Variants in PPM1B observed in about 807,000 individuals in gnomAD.
PPM1B encodes the protein protein phosphatase, Mg2+/Mn2+ dependent 1B.
Under a neutral mutation model 43.0 loss-of-function variants are expected in PPM1B, and 22 were observed. That is an observed-to-expected ratio of 0.51 (90% confidence interval 0.37 to 0.73). PPM1B has a LOEUF of 0.73. Among genes scored for constraint, PPM1B ranks in the 30% least tolerant of loss-of-function variants. The probability of loss-of-function intolerance (pLI) is 0.00; values close to 1 mark genes in which losing one functional copy is unlikely to be tolerated. For missense variants in PPM1B, 632 were observed against 584.2 expected (o/e 1.08, Z -0.84); for synonymous variants, 217 against 197.9 (o/e 1.10, Z -0.81).
At chr2:44,237,663 G>A (rs1263851322), downstream of PPM1B, among the ~76,000 whole-genome samples, 1 of 151,952 alleles carries the variant, frequency 6.6e-6, no homozygotes, top group Non-Finnish European at 1.5e-5. Context: ...CTATAATATT[G>A]GCAACAGTGA....
At chr2:44,210,342 C>T (rs1669401633) in intron 3 of PPM1B, among the ~76,000 whole-genome samples, 1 of 151,814 alleles carries the variant, frequency 6.6e-6, no homozygotes, top group Admixed American at 6.6e-5. Context: ...TCAGCCTCTC[C>T]CAAGTAGCTG....
intron 2 of PPM1B, among the ~76,000 whole-genome samples, chr2:44,204,641 G>A (rs559948381): frequency 9.2e-5 from 14 of 151,956 alleles, no homozygotes; most frequent in African/African-American, 3.1e-4. Flanking sequence ...TTAAGATGAC[G>A]AGGTCAGGAG....
chr2:44,222,170 T>C (rs777299555), intron 5 of PPM1B, among the ~76,000 whole-genome samples: 3 of 152,128 alleles, frequency 2.0e-5, no homozygotes, highest in Non-Finnish European at 4.4e-5. Context: ...GTTTGTGTTT[T>C]ATAATTAGAA....
At chr2:44,214,381 T>G (rs1669624341) in intron 3 of PPM1B, among the ~76,000 whole-genome samples, 1 of 152,110 alleles carries the variant, frequency 6.6e-6, no homozygotes, top group Admixed American at 6.5e-5. Context: ...ATAGAGTTTT[T>G]TTTTTTCTTA....
intron 1 of PPM1B, among the ~76,000 whole-genome samples, chr2:44,198,746 C>T (rs930606164): frequency 3.9e-5 from 6 of 152,132 alleles, no homozygotes; most frequent in South Asian, 4.1e-4. Context: ...GGCTTGGTTT[C>T]GGACCAGACC....
downstream of PPM1B, chr2:44,232,533 C>G: frequency 6.9e-7 from 1 of 1,444,576 alleles, no homozygotes; most frequent in Non-Finnish European, 9.1e-7. Context: ...CCACTTGTAG[C>G]ATTGCCTGTA....
At chr2:44,222,064 A>T (rs903764698) in intron 5 of PPM1B, among the ~76,000 whole-genome samples, 2 of 152,102 alleles carry the variant, frequency 1.3e-5, no homozygotes, top group Non-Finnish European at 2.9e-5. Flanking sequence ...TCTTTTGGAA[A>T]ATTTCCAGAA....
chr2:44,171,302 A>T (rs1482861749), intron 1 of PPM1B, among the ~76,000 whole-genome samples: 3 of 152,220 alleles, frequency 2.0e-5, no homozygotes, highest in Admixed American at 1.3e-4. Context: ...ATTCCTTAAG[A>T]TTACATCATC....
chr2:44,169,039 C>A lies in PPM1B; in HGVS notation c.-250C>A. Reference sequence around the variant, plus strand: ...ATGCTCCAGAGAGACGAGGCTGCGGCGGAGGAGGTGGCGGCGGCCGAATCG... The same window carrying A: ...ATGCTCCAGAGAGACGAGGCTGCGGAGGAGGAGGTGGCGGCGGCCGAATCG... On this transcript the variant is annotated 5_prime_UTR_variant, in exon 1 of 6. Transcript: ENST00000282412. 1 of 165,314 alleles carries A rather than the reference C, an allele frequency of 6.0e-6. No homozygotes were observed. The highest frequency in any genetic ancestry group is 1.3e-5 in the Non-Finnish European group (1 of 76,150). 10.2% of individuals were successfully genotyped at this position (165,314 alleles called of 1,614,324 possible). A position where few individuals can be genotyped will look rare whatever the true frequency, so the allele number is the denominator to read the frequency against.
chr2:44,234,601 T>G (rs191968216), downstream of PPM1B: 2 of 984,966 alleles, frequency 2.0e-6, no homozygotes, highest in Non-Finnish European at 2.4e-6. Context: ...AAATAATGTA[T>G]GAGTTAGTAA....
At chr2:44,184,972 C>T (rs1668052502) in intron 1 of PPM1B, among the ~76,000 whole-genome samples, 1 of 148,894 alleles carries the variant, frequency 6.7e-6, no homozygotes, top group Non-Finnish European at 1.5e-5. Flanking sequence ...AGACCGGCCA[C>T]TAGATACTGT....
At chr2:44,193,610 C>G (rs867366894) in intron 1 of PPM1B, among the ~76,000 whole-genome samples, 4 of 140,446 alleles carry the variant, frequency 2.8e-5, no homozygotes, top group Admixed American at 1.5e-4. Flanking sequence ...GACAGAGTCT[C>G]GCTCCATTGC....
chr2:44,195,621 G>C (rs1278344105), intron 1 of PPM1B, among the ~76,000 whole-genome samples: 1 of 152,132 alleles, frequency 6.6e-6, no homozygotes, highest in Non-Finnish European at 1.5e-5. Flanking sequence ...AGGCTGCAGT[G>C]GGCTATGATT....
intron 1 of PPM1B, among the ~76,000 whole-genome samples, chr2:44,179,083 G>T (rs564300786): frequency 1.2e-3 from 181 of 152,256 alleles, no homozygotes; most frequent in African/African-American, 4.0e-3. Context: ...TTCCTGTGCT[G>T]TTCTCATGAT....
At chr2:44,238,491 C>T (rs1394004435), downstream of PPM1B, among the ~76,000 whole-genome samples, 1 of 151,966 alleles carries the variant, frequency 6.6e-6, no homozygotes, top group Non-Finnish European at 1.5e-5. Flanking sequence ...CACCTGAGGT[C>T]AGGAGTTAGA....
chr2:44,205,537 C>T (rs753367364), intron 2 of PPM1B, among the ~76,000 whole-genome samples: 8 of 152,102 alleles, frequency 5.3e-5, no homozygotes, highest in Non-Finnish European at 1.2e-4. Flanking sequence ...TAGGGAACCA[C>T]TGCTCATGGT....
At chr2:44,186,973 T>G (rs564701990) in intron 1 of PPM1B, among the ~76,000 whole-genome samples, 119 of 152,320 alleles carry the variant, frequency 7.8e-4, no homozygotes, top group African/African-American at 2.8e-3. Context: ...AAAAGAAAAA[T>G]AAGCATACAC....
intron 5 of PPM1B, among the ~76,000 whole-genome samples, chr2:44,225,970 G>T (rs970129184): frequency 6.9e-6 from 1 of 144,158 alleles, no homozygotes; most frequent in African/African-American, 2.6e-5. Context: ...TTTGGTTTTA[G>T]TATGTCTTTT....
Position 44,228,879 on chromosome 2 carries a change from C to G in PPM1B, c.1135-1534C>G, listed in dbSNP as rs548877113. 1.0e-3 allele frequency among the ~76,000 whole-genome samples: 155 copies of G among 152,072 alleles called. 1 individual carries two copies. The South Asian group carries it at 0.018, about 18-fold the overall frequency. Reference sequence around the variant, plus strand: ...CCTGTAAACATTTAAGCATGCAGCTCTTAAGAATGAAGATATTTTTCAGCC... The same window carrying G: ...CCTGTAAACATTTAAGCATGCAGCTGTTAAGAATGAAGATATTTTTCAGCC... On this transcript the variant is annotated intron_variant, in intron 5 of 5. Transcript: ENST00000282412.
Sources: allele counts gnomAD v4.1 joint callset (sites outside exome capture counted in the v4.1 genomes callset), GRCh38; gene constraint gnomAD v4.1.1; transcripts MANE v1.5; gene names NCBI Gene and HGNC (gene_info 2026-07-23, HGNC 2026-07-21).